Variants in ITPR2 observed in about 807,000 individuals in gnomAD.
ITPR2 encodes inositol 1,4,5-trisphosphate-gated calcium channel ITPR2.
In ITPR2, 207 loss-of-function variants were observed where a neutral mutation model predicts 317.1. That is an observed-to-expected ratio of 0.65 (90% CI 0.58 to 0.73). ITPR2 has a LOEUF of 0.73. Among genes scored for constraint, ITPR2 ranks in the 30% least tolerant of loss-of-function variants. ITPR2 has a pLI of 0.00. For missense variants in ITPR2, 2,613 were observed against 3,284.0 expected, an observed-to-expected ratio of 0.80 and a Z score of 4.99; for synonymous variants, 1,156 against 1,149.1, an observed-to-expected ratio of 1.01 and a Z score of -0.12.
chr12:26,513,778 A>T (rs951737062), intron 37 of ITPR2, among the ~76,000 whole-genome samples: 1 of 143,514 alleles, frequency 7.0e-6, no homozygotes, highest in African/African-American at 2.5e-5. Context: ...ACACACACAC[A>T]TGCAACCCTA....
At chr12:26,625,485 T>G (rs1467737462) in intron 23 of ITPR2, among the ~76,000 whole-genome samples, 4 of 152,010 alleles carry the variant, frequency 2.6e-5, no homozygotes, top group Admixed American at 1.3e-4. Flanking sequence ...AATTAAAAAT[T>G]AAAAAAATTT....
At chr12:26,647,393 G>A (rs528589441) in intron 21 of ITPR2, among the ~76,000 whole-genome samples, 1 of 152,336 alleles carries the variant, frequency 6.6e-6, no homozygotes, top group Non-Finnish European at 1.5e-5. Context: ...CTCTCCAGTA[G>A]AATAAAATAT....
At chr12:26,781,912 G>A (rs547271947) in intron 2 of ITPR2, among the ~76,000 whole-genome samples, 28 of 150,282 alleles carry the variant, frequency 1.9e-4, no homozygotes, top group African/African-American at 5.4e-4. Context: ...TGCCCTCAAA[G>A]TTCTTCAGCT....
In ITPR2 at chr12:26,654,132, TA is replaced by T. The variant is rs754965250; in HGVS notation, c.2590-7del. 0.091 allele frequency: 69,581 copies of T among 764,060 alleles called. 1 individual carries two copies. Among genetic ancestry groups the T allele is most frequent in the East Asian group, 0.13 (2,650 of 20,170 alleles). 47.3% of individuals were successfully genotyped at this position (764,060 alleles called of 1,614,324 possible). On this transcript the variant is annotated splice_region_variant and splice_polypyrimidine_tract_variant and intron_variant, in intron 20 of 56. Coordinates refer to ENST00000381340, the MANE Select transcript of ITPR2 (RefSeq NM_002223.4). ...TTCCGAGCCAAGTGGACCACCTTAA[TA>T]AAAAAAAAAAAGCGGGGAGGGGGAG...
At chr12:26,406,996 G>T (rs1392512253) in intron 52 of ITPR2, among the ~76,000 whole-genome samples, 1 of 152,132 alleles carries the variant, frequency 6.6e-6, no homozygotes, top group Non-Finnish European at 1.5e-5. Context: ...GCTTCCAGCA[G>T]TATCTGTGAC....
At chr12:26,455,185 T>A (rs900335066) in intron 45 of ITPR2, among the ~76,000 whole-genome samples, 4 of 151,162 alleles carry the variant, frequency 2.6e-5, no homozygotes, top group Non-Finnish European at 5.9e-5. Flanking sequence ...ATATGAAGAG[T>A]TGAGAAGAAG....
At chr12:26,495,451 A>G in intron 37 of ITPR2, 191 bp from the exon 38 acceptor site, 1 of 511,430 alleles carries the variant, frequency 2.0e-6, no homozygotes, top group Non-Finnish European at 3.5e-6. Context: ...TTTGCTTCTC[A>G]TAATAAATAA....
At chr12:26,621,838 AT>A (rs1191590681) in intron 25 of ITPR2, among the ~76,000 whole-genome samples, 1 of 152,234 alleles carries the variant, frequency 6.6e-6, no homozygotes, top group Non-Finnish European at 1.5e-5. Context: ...AAAAGATTAG[AT>A]CCATAACAGT....
In ITPR2 at chr12:26,541,651, A is replaced by G. The variant is rs1944265640; in HGVS notation, c.5073+8596T>C. Among the ~76,000 whole-genome samples the G allele has an allele frequency of 2.6e-5, 4 of 152,228 alleles. No homozygotes were observed. The South Asian group carries it at 8.3e-4, about 31-fold the overall frequency. On this transcript the variant is annotated intron_variant, in intron 37 of 56. Transcript: ENST00000381340. Reference sequence around the variant, plus strand: ...TATATGCATAGATGTGAATGATTCTATACAGATTGATACAATAAGAGGAGC... The same window carrying G: ...TATATGCATAGATGTGAATGATTCTGTACAGATTGATACAATAAGAGGAGC...
chr12:26,778,704 T>C (rs760887406), intron 2 of ITPR2, among the ~76,000 whole-genome samples: 4 of 152,250 alleles, frequency 2.6e-5, no homozygotes, highest in Admixed American at 6.5e-5. Flanking sequence ...GTCCATTACA[T>C]TGATGACACT....
rs544530564 is a variant in ITPR2, at chr12:26,409,562, A to ATCTTAGGCTTACATACAGTTTC, written c.7399+1736_7399+1757dup. ...AAATTTCTGTAGCCAGATGCCAACTATCTTAGGCTTACATACAGTTTCCAT... is the reference window on the plus strand; with the variant it reads ...AAATTTCTGTAGCCAGATGCCAACTATCTTAGGCTTACATACAGTTTCTCTTAGGCTTACATACAGTTTCCAT... On this transcript the variant is annotated intron_variant, in intron 52 of 56. Transcript: ENST00000381340. 6.7e-3 allele frequency among the ~76,000 whole-genome samples: 1,027 copies of ATCTTAGGCTTACATACAGTTTC among 152,222 alleles called. 6 individuals are homozygous for ATCTTAGGCTTACATACAGTTTC. The highest frequency in any genetic ancestry group is 0.023 in the African/African-American group (964 of 41,524).
At chr12:26,466,350 G>A (rs1258327324) in intron 45 of ITPR2, among the ~76,000 whole-genome samples, 1 of 152,116 alleles carries the variant, frequency 6.6e-6, no homozygotes, top group East Asian at 1.9e-4. Flanking sequence ...AATACTATAG[G>A]TATCAATTAT....
intron 54 of ITPR2, among the ~76,000 whole-genome samples, chr12:26,390,149 C>T (rs1049338918): frequency 1.3e-5 from 2 of 152,196 alleles, no homozygotes; most frequent in African/African-American, 2.4e-5. Context: ...TCCTCATGCA[C>T]TGCTAACAGA....
At chr12:26,702,526 C>T (rs1254862285) in intron 9 of ITPR2, among the ~76,000 whole-genome samples, 1 of 151,722 alleles carries the variant, frequency 6.6e-6, no homozygotes, top group Non-Finnish European at 1.5e-5. Flanking sequence ...GCAACCTCCA[C>T]CTCCTGGGTT....
chr12:26,451,255 CAG>C (rs1319907168), intron 45 of ITPR2, among the ~76,000 whole-genome samples: 2 of 152,022 alleles, frequency 1.3e-5, no homozygotes, highest in African/African-American at 4.8e-5. Context: ...AGAGACAACA[CAG>C]ACTCTTGAGT....
intron 54 of ITPR2, among the ~76,000 whole-genome samples, chr12:26,387,868 T>C (rs1481346042): frequency 6.6e-6 from 1 of 152,168 alleles, no homozygotes; most frequent in Non-Finnish European, 1.5e-5. Flanking sequence ...CAGATAATTT[T>C]AAATACAGCC....
chr12:26,781,421 T>C (rs546941246), intron 2 of ITPR2, among the ~76,000 whole-genome samples: 4 of 152,232 alleles, frequency 2.6e-5, no homozygotes, highest in African/African-American at 9.6e-5. Context: ...TCCTTTATTA[T>C]GTGACATAAG....
intron 48 of ITPR2, among the ~76,000 whole-genome samples, chr12:26,430,481 C>A (rs1411343506): frequency 6.6e-6 from 1 of 152,180 alleles, no homozygotes; most frequent in African/African-American, 2.4e-5. Flanking sequence ...CCAGGCTGGT[C>A]TCGAACTCCT....
intron 55 of ITPR2, among the ~76,000 whole-genome samples, chr12:26,348,955 T>C (rs1203495127): frequency 1.3e-5 from 2 of 152,172 alleles, no homozygotes; most frequent in Non-Finnish European, 2.9e-5. Context: ...ATAGTCCATC[T>C]TGGTCAACAG....
Sources: gnomAD v4.1 joint callset for allele counts (sites outside exome capture counted in the v4.1 genomes callset) on GRCh38, gnomAD v4.1.1 for gene constraint, MANE v1.5 for transcripts, NCBI Gene and HGNC (gene_info 2026-07-23, HGNC 2026-07-21) for gene names.